Variants in IL17D observed in about 807,000 individuals in gnomAD.
The protein encoded by IL17D is interleukin-17D.
A neutral mutation model predicts 5.7 loss-of-function variants in IL17D; 10 were observed. The ratio of observed to expected loss-of-function variants is 1.75; its 90% CI spans 1.08 to 2.97. The LOEUF is 2.97. IL17D is among the 30% of genes most tolerant of loss of function. IL17D has a pLI of 0.00. For missense variants in IL17D, 354 were observed against 292.7 expected (o/e 1.21, Z -1.53); for synonymous variants, 172 against 141.7 (o/e 1.21, Z -1.52).
rs2058681797 is a variant in IL17D at position 20,716,817 on chromosome 13, A to G, written c.291-4819A>G. 6.6e-6 allele frequency among the ~76,000 whole-genome samples: 1 copy of G among 152,132 alleles called. No individual in the cohort carries two copies. Among genetic ancestry groups the G allele is most frequent in the African/African-American group, 2.4e-5 (1 of 41,420 alleles). On this transcript the variant is annotated intron_variant, in intron 1 of 1. Transcript: ENST00000682841. This position sits in a 1 kb window ranked among gnomAD's most constrained non-coding sequence, Gnocchi z 4.2. Reference sequence around the variant, plus strand: ...TTTGTTCCTGGGATGGGGTCTTTCAACTGCTGTGAGATAAACAGTCATCCT... The same window carrying G: ...TTTGTTCCTGGGATGGGGTCTTTCAGCTGCTGTGAGATAAACAGTCATCCT...
intron 1 of IL17D, among the ~76,000 whole-genome samples, chr13:20,718,489 C>CA (rs2058697579): frequency 3.0e-5 from 4 of 133,292 alleles, no homozygotes; most frequent in South Asian, 4.9e-4. Context: ...CACACCTGCC[C>CA]CCACACACCT....
chr13:20,707,542 A>AGAC (rs924249701), intron 1 of IL17D, among the ~76,000 whole-genome samples: 2 of 150,838 alleles, frequency 1.3e-5, no homozygotes, highest in African/African-American at 4.9e-5. Flanking sequence ...TTTTTCTTTT[A>AGAC]GACAGAATCT....
chr13:20,718,622 C>CCA (rs201044482), intron 1 of IL17D, among the ~76,000 whole-genome samples: 1 of 133,870 alleles, frequency 7.5e-6, no homozygotes, highest in Non-Finnish European at 1.6e-5. Context: ...CACCTGCCCC[C>CCA]CACACACAGG....
intron 1 of IL17D, among the ~76,000 whole-genome samples, chr13:20,717,659 G>A (rs2058687425): frequency 6.6e-6 from 1 of 152,170 alleles, no homozygotes; most frequent in Non-Finnish European, 1.5e-5. Flanking sequence ...GTAGATGCGC[G>A]GCACCCCCCT....
intron 1 of IL17D, chr13:20,712,992 C>G (rs988684442): frequency 1.3e-5 from 2 of 149,922 alleles, no homozygotes; most frequent in Non-Finnish European, 3.0e-5. Flanking sequence ...TTCCTTCCTT[C>G]CTCCCTCCCT....
rs2058734355 is a variant in IL17D, at chr13:20,721,527, G to GAGGAC, written c.291-101_291-97dup. 4 of 849,984 alleles carry GAGGAC rather than the reference G, an allele frequency of 4.7e-6. No individual in the cohort carries two copies. The South Asian group carries it at 8.0e-5, about 17-fold the overall frequency. 52.7% of individuals were successfully genotyped at this position (849,984 alleles called of 1,614,324 possible). A position where few individuals can be genotyped will look rare whatever the true frequency, so the allele number is the denominator to read the frequency against. Reference sequence around the variant, plus strand: ...CCTCGCACGCACGCGCCCGCAGGCGGAGGACAGGACAGTCCCCGAGGCCCT... The same window carrying GAGGAC: ...CCTCGCACGCACGCGCCCGCAGGCGGAGGACAGGACAGGACAGTCCCCGAGGCCCT... On this transcript the variant is annotated intron_variant, in intron 1 of 1. Coordinates refer to ENST00000682841, the MANE Select transcript of IL17D (RefSeq NM_001385224.1).
At chr13:20,705,735 G>A (rs1194877248) in intron 1 of IL17D, among the ~76,000 whole-genome samples, 1 of 152,176 alleles carries the variant, frequency 6.6e-6, no homozygotes, top group African/African-American at 2.4e-5. Flanking sequence ...CTTGACACTT[G>A]AGATGGAGGA....
chr13:20,722,186 G>C lies in IL17D; in HGVS notation c.*232G>C, dbSNP rs1595005161. On this transcript the variant is annotated 3_prime_UTR_variant, in exon 2 of 2. Transcript: ENST00000682841. ...GCGTGGCTGGAAGCTGATGGGAAAC[G>C]ACCCGGCACGGGCATCCTGTGTGCG... 2.3e-5 allele frequency: 12 copies of C among 519,766 alleles called. No homozygotes were observed. The East Asian group carries it at 4.0e-4, about 17-fold the overall frequency. The allele number at this position is 519,766 out of a possible 1,614,324, so 32.2% of individuals were successfully genotyped here. A position where few individuals can be genotyped will look rare whatever the true frequency, so the allele number is the denominator to read the frequency against.
intron 1 of IL17D, chr13:20,712,341 C>G (rs1267687944): frequency 6.6e-6 from 1 of 152,362 alleles, no homozygotes; most frequent in Non-Finnish European, 1.5e-5. Flanking sequence ...GTAATCCCAG[C>G]ACTTTGGGAG....
chr13:20,722,140 G>C lies in IL17D; in HGVS notation c.*186G>C, dbSNP rs1471165373. ...CATCTGACACGGGCATCCCTGGCTTGCTTTTAGCTACAAGCAAGCAGCGTG... is the reference window on the plus strand; with the variant it reads ...CATCTGACACGGGCATCCCTGGCTTCCTTTTAGCTACAAGCAAGCAGCGTG... On this transcript the variant is annotated 3_prime_UTR_variant, in exon 2 of 2. Transcript: ENST00000682841. The C allele has an allele frequency of 3.6e-6, 2 of 556,656 alleles. No individual in the cohort carries two copies. The highest frequency in any genetic ancestry group is 4.0e-5 in the African/African-American group (2 of 50,262). 34.5% of individuals were successfully genotyped at this position (556,656 alleles called of 1,614,324 possible). A position where few individuals can be genotyped will look rare whatever the true frequency, so the allele number is the denominator to read the frequency against.
intron 1 of IL17D, among the ~76,000 whole-genome samples, chr13:20,706,204 A>G (rs1594995636): frequency 6.6e-6 from 1 of 152,104 alleles, no homozygotes; most frequent in East Asian, 1.9e-4. Context: ...GGGCACACAC[A>G]TGGCGCCATT....
chr13:20,704,059 AG>A lies in IL17D; in HGVS notation c.61del (p.Ala21ArgfsTer100). The A allele has an allele frequency of 9.3e-7, 1 of 1,073,124 alleles. No individual in the cohort carries two copies. The highest frequency in any genetic ancestry group is 1.1e-6 in the Non-Finnish European group (1 of 893,034). 66.5% of individuals were successfully genotyped at this position (1,073,124 alleles called of 1,614,324 possible). A position where few individuals can be genotyped will look rare whatever the true frequency, so the allele number is the denominator to read the frequency against. On this transcript the variant is annotated frameshift_variant, in exon 1 of 2. Transcript: ENST00000682841. LOFTEE classifies it high-confidence loss of function. Reference sequence around the variant, plus strand: ...GCCGAGCTGGGCCGCGGGCGCCCCGAGGGCGGGCAGGCGCCCCGCGCGGCCG... The same window carrying A: ...GCCGAGCTGGGCCGCGGGCGCCCCGAGGCGGGCAGGCGCCCCGCGCGGCCG... ...LPPSWAAGAP[R>X]AGRRPARPRG... is the part of the protein sequence containing the mutation.
upstream of IL17D, chr13:20,702,106 T>C (rs1010852049): frequency 9.9e-5 from 15 of 152,216 alleles, no homozygotes; most frequent in East Asian, 1.9e-4. Flanking sequence ...CTTCCTTTTT[T>C]CCAATAAAAA....
chr13:20,702,825 A>G (rs2058555692), upstream of IL17D: 1 of 152,190 alleles, frequency 6.6e-6, no homozygotes, highest in African/African-American at 2.4e-5. Flanking sequence ...GTTGAGGAGA[A>G]AGGAGCAACA....
chr13:20,715,461 A>G (rs773182613), intron 1 of IL17D, among the ~76,000 whole-genome samples: 7 of 152,212 alleles, frequency 4.6e-5, no homozygotes, highest in African/African-American at 1.7e-4. Flanking sequence ...GTTGTTTGCC[A>G]TCAGCTGCAA....
At position 20,704,077 on chromosome 13, in the gene IL17D, G is replaced by A; in HGVS notation, c.76G>A (p.Ala26Thr). Residue 26 changes from alanine (A) to threonine (T), a missense_variant, in exon 1 of 2, where the codon GCG becomes ACG. By Grantham distance (58) the Ala-to-Thr change is moderately conservative. Transcript: ENST00000682841. ...AGAPRAGRRP[A>T]RPRGCADRPE... ...CGCCCCGAGGGCGGGCAGGCGCCCCGCGCGGCCGCGGGGCTGCGCGGACCG... is the reference window on the plus strand; with the variant it reads ...CGCCCCGAGGGCGGGCAGGCGCCCCACGCGGCCGCGGGGCTGCGCGGACCG... The A allele has an allele frequency of 1.8e-6, 2 of 1,120,440 alleles. No individual in the cohort carries two copies. Among genetic ancestry groups the A allele is most frequent in the Non-Finnish European group, 2.2e-6 (2 of 921,076 alleles). The allele number at this position is 1,120,440 out of a possible 1,614,324, so 69.4% of individuals were successfully genotyped here. A position where few individuals can be genotyped will look rare whatever the true frequency, so the allele number is the denominator to read the frequency against.
At chr13:20,710,865 A>T (rs998014847) in intron 1 of IL17D, among the ~76,000 whole-genome samples, 1 of 152,212 alleles carries the variant, frequency 6.6e-6, no homozygotes. Context: ...ACAGTAAACA[A>T]CTCTATGGAT....
Position 20,716,015 on chromosome 13 carries a change from A to T in IL17D, c.291-5621A>T, listed in dbSNP as rs1461305076. ...CTCCCAAAGTGCTGCGATTACAGGC[A>T]TGAGCCACCGCGCCCGGCCAGAATC... On this transcript the variant is annotated intron_variant, in intron 1 of 1. Coordinates refer to ENST00000682841, the MANE Select transcript of IL17D (RefSeq NM_001385224.1). This position sits in a 1 kb window ranked among gnomAD's most constrained non-coding sequence, Gnocchi z 4.2. 2 of 828,196 alleles carry T rather than the reference A, an allele frequency of 2.4e-6. No individual in the cohort carries two copies. The allele number at this position is 828,196 out of a possible 1,614,324, so 51.3% of individuals were successfully genotyped here.
chr13:20,708,960 C>CAAAA (rs59047970), intron 1 of IL17D, among the ~76,000 whole-genome samples: 850 of 63,772 alleles, frequency 0.013, 1 homozygote, highest in Non-Finnish European at 0.023. Flanking sequence ...GACTCTGTCT[C>CAAAA]AAAAAAAAAA....
Sources: gnomAD v4.1 joint callset for allele counts (sites outside exome capture counted in the v4.1 genomes callset) on GRCh38, gnomAD v4.1.1 for gene constraint, Gnocchi (gnomAD v3.1) non-coding constraint, MANE v1.5 for transcripts, NCBI Gene and HGNC (gene_info 2026-07-23, HGNC 2026-07-21) for gene names.